The following MAD1L1 variants were observed in gnomAD, a reference collection of about 807,000 sequenced individuals.
MAD1L1 encodes mitotic spindle assembly checkpoint protein MAD1.
MAD1L1 carries 95 observed loss-of-function variants against 96.9 expected under a neutral mutation model. That is an observed-to-expected ratio of 0.98 (90% CI 0.83 to 1.16). The LOEUF is 1.16. Ranked by LOEUF, MAD1L1 falls within the 50% of genes most tolerant of loss-of-function variation. The probability of loss-of-function intolerance (pLI) is 0.00; values close to 1 mark genes in which losing one functional copy is unlikely to be tolerated. For missense variants in MAD1L1, 1,007 were observed against 954.4 expected (o/e 1.06, Z -0.73); for synonymous variants, 473 against 396.6 (o/e 1.19, Z -2.29).
chr7:1,898,502 C>A, intron 17 of MAD1L1, 112 bp from the exon 18 acceptor site: 1 of 839,038 alleles, frequency 1.2e-6, no homozygotes, highest in South Asian at 1.7e-5. Context: ...TGGCGGCTGC[C>A]CAGGGACACA....
intron 11 of MAD1L1, among the ~76,000 whole-genome samples, chr7:2,095,095 T>C (rs974634468): frequency 2.0e-5 from 3 of 151,896 alleles, no homozygotes; most frequent in Admixed American, 2.0e-4. Context: ...TAGGCTGGAG[T>C]GCAGTGGCTC....
At chr7:1,832,226 G>C (rs1488850298) in intron 18 of MAD1L1, among the ~76,000 whole-genome samples, 1 of 152,064 alleles carries the variant, frequency 6.6e-6, no homozygotes, top group Non-Finnish European at 1.5e-5. Flanking sequence ...TGGATGACTT[G>C]GTTCAAGAAG....
intron 15 of MAD1L1, among the ~76,000 whole-genome samples, chr7:1,977,234 G>A (rs545401996): frequency 2.6e-5 from 4 of 152,372 alleles, no homozygotes; most frequent in South Asian, 2.1e-4. Context: ...CAGGCATGGC[G>A]GGCTGCAGGT....
Position 1,951,928 on chromosome 7 carries a change from T to C in MAD1L1, c.1596+5701A>G, listed in dbSNP as rs115064610. Among the ~76,000 whole-genome samples the C allele has an allele frequency of 3.9e-3, 598 of 152,304 alleles. 6 individuals carry two copies. The highest frequency in any genetic ancestry group is 0.013 in the African/African-American group (549 of 41,572). On this transcript the variant is annotated intron_variant, in intron 16 of 18. Transcript: ENST00000265854. ...GGTGCCCGTATCCATGAGTCCCTGC[T>C]TTTGGTTCTTCTGGGCATGTACGCA...
intron 18 of MAD1L1, chr7:1,838,541 C>A (rs1583510072): frequency 2.9e-6 from 1 of 340,500 alleles, no homozygotes. Flanking sequence ...GTGAGCGAAC[C>A]GTGAAAACCT....
intron 12 of MAD1L1, among the ~76,000 whole-genome samples, chr7:2,053,067 A>G (rs1784251739): frequency 6.6e-6 from 1 of 152,224 alleles, no homozygotes; most frequent in Admixed American, 6.5e-5. Context: ...ACCTGCTCCC[A>G]GCCACTGCCT....
rs186603801 is a variant in MAD1L1, at chr7:1,931,892, T to C, written c.1807+4795A>G. On this transcript the variant is annotated intron_variant, in intron 17 of 18. Transcript: ENST00000265854. ...CATGGCTCTTGGCAGCCATCCCTCT[T>C]TGCCAGCTGTCTACACAGGTGCTTC... Among the ~76,000 whole-genome samples, 440 of 152,318 alleles carry C rather than the reference T, an allele frequency of 2.9e-3. 3 individuals carry two copies. Among genetic ancestry groups the C allele is most frequent in the African/African-American group, 0.01 (417 of 41,574 alleles).
chr7:1,909,449 C>G (rs1787873868), intron 17 of MAD1L1, among the ~76,000 whole-genome samples: 1 of 152,228 alleles, frequency 6.6e-6, no homozygotes, highest in African/African-American at 2.4e-5. Context: ...ATTTTATTAG[C>G]AGCCATGGGC....
At chr7:1,902,573 G>A (rs992498308) in intron 17 of MAD1L1, among the ~76,000 whole-genome samples, 46 of 152,384 alleles carry the variant, frequency 3.0e-4, no homozygotes, top group African/African-American at 1.1e-3. Context: ...GATCTTAGGA[G>A]TGCAGCCCCA....
chr7:1,894,065 G>A (rs942492198), intron 18 of MAD1L1, among the ~76,000 whole-genome samples: 6 of 152,220 alleles, frequency 3.9e-5, no homozygotes, highest in Admixed American at 6.5e-5. Flanking sequence ...AGCTGGGGGC[G>A]TGGAGCTGCT....
intron 17 of MAD1L1, among the ~76,000 whole-genome samples, chr7:1,907,325 T>A (rs962443424): frequency 6.6e-6 from 1 of 152,128 alleles, no homozygotes; most frequent in African/African-American, 2.4e-5. Context: ...CTGCAGCAAC[T>A]CTCGATTTAG....
intron 18 of MAD1L1, among the ~76,000 whole-genome samples, chr7:1,824,709 C>T (rs1294149251): frequency 2.6e-5 from 4 of 152,184 alleles, no homozygotes; most frequent in African/African-American, 7.2e-5. Context: ...CTGTGAACCT[C>T]GCTTGTAGAA....
At chr7:2,136,528 T>C (rs1788760699) in intron 11 of MAD1L1, among the ~76,000 whole-genome samples, 1 of 152,232 alleles carries the variant, frequency 6.6e-6, no homozygotes, top group South Asian at 2.1e-4. Context: ...CCCAGGTCTA[T>C]GGCACCAACT....
Position 1,837,051 on chromosome 7 carries a change from CA to C in MAD1L1, c.1999-20824del, listed in dbSNP as rs1437405237. On this transcript the variant is annotated intron_variant, in intron 18 of 18. Coordinates refer to ENST00000265854, the MANE Select transcript of MAD1L1 (RefSeq NM_001013836.2). ...AGACATGTCATATATAAGGAGAGAA[CA>C]CCAGCAATGTACATATTTGATGAAG... 2.6e-5 allele frequency among the ~76,000 whole-genome samples: 4 copies of C among 152,114 alleles called. No individual in the cohort carries two copies. In the East Asian group the frequency reaches 7.7e-4, roughly 29 times the overall value.
intron 18 of MAD1L1, among the ~76,000 whole-genome samples, chr7:1,861,409 G>A (rs1784539718): frequency 6.6e-6 from 1 of 151,686 alleles, no homozygotes. Flanking sequence ...TGCTCCGCCT[G>A]CCCCCTGGTT....
At chr7:2,019,231 G>A (rs1208324076) in intron 12 of MAD1L1, among the ~76,000 whole-genome samples, 2 of 152,054 alleles carry the variant, frequency 1.3e-5, no homozygotes, top group South Asian at 2.1e-4. Flanking sequence ...CAGCAAGATC[G>A]CCCCAGACAG....
At chr7:1,970,215 T>C (rs1420926424) in intron 15 of MAD1L1, among the ~76,000 whole-genome samples, 2 of 152,030 alleles carry the variant, frequency 1.3e-5, no homozygotes, top group Admixed American at 6.6e-5. Context: ...AGGGGGACCA[T>C]GGAGGATTCC....
chr7:1,829,782 A>G (rs1782616066), intron 18 of MAD1L1: 1 of 152,122 alleles, frequency 6.6e-6, no homozygotes, highest in Non-Finnish European at 1.5e-5. Context: ...ATCATAATCA[A>G]ACTGCTCAAA....
In MAD1L1 at chr7:2,119,557, G is replaced by A. The variant is rs752170061; in HGVS notation, c.1073+29595C>T. On this transcript the variant is annotated intron_variant, in intron 11 of 18. Coordinates refer to ENST00000265854, the MANE Select transcript of MAD1L1 (RefSeq NM_001013836.2). This position sits in a 1 kb window ranked among gnomAD's most constrained non-coding sequence, Gnocchi z 4.6. ...CAGGTCCCGACTGTGGGGACAGCAC[G>A]TGCCCGAGCTCTGACCCACATGCAG... Among the ~76,000 whole-genome samples, 3 of 152,200 alleles carry A rather than the reference G, an allele frequency of 2.0e-5. No individual in the cohort carries two copies. Among genetic ancestry groups the A allele is most frequent in the Admixed American group, 6.5e-5 (1 of 15,284 alleles).
Sources: gnomAD v4.1 joint callset for allele counts (sites outside exome capture counted in the v4.1 genomes callset) on GRCh38, gnomAD v4.1.1 for gene constraint, Gnocchi (gnomAD v3.1) non-coding constraint, MANE v1.5 for transcripts, NCBI Gene and HGNC (gene_info 2026-07-23, HGNC 2026-07-21) for gene names.